Variants in PKN2 observed in about 807,000 individuals in gnomAD.
The protein encoded by PKN2 is protein kinase N2.
Under a neutral mutation model 119.1 loss-of-function variants are expected in PKN2, and 38 were observed. That is an observed-to-expected ratio of 0.32 (90% CI 0.25 to 0.42). The LOEUF is 0.42. PKN2 is among the 10% of genes least tolerant of loss of function. PKN2 has a pLI of 1.00. For synonymous variants in PKN2, 390 were observed against 384.9 expected, an observed-to-expected ratio of 1.01 and a Z score of -0.15; for missense variants, 850 against 1,165.1, an observed-to-expected ratio of 0.73 and a Z score of 3.94.
rs751904935 is a variant in PKN2, at chr1:88,804,947, G to C, written c.1501+26G>C. On this transcript the variant is annotated intron_variant, in intron 10 of 21. Coordinates refer to ENST00000370521, the MANE Select transcript of PKN2 (RefSeq NM_006256.4). ...GTAATTACTAACAATCAAATGCATA[G>C]CATTTTGATATTTTCTTAAACAATC... The C allele has an allele frequency of 3.8e-6, 4 of 1,049,590 alleles. No homozygotes were observed. The South Asian group carries it at 5.6e-5, about 15-fold the overall frequency. The allele number at this position is 1,049,590 out of a possible 1,614,324, so 65.0% of individuals were successfully genotyped here. A position where few individuals can be genotyped will look rare whatever the true frequency, so the allele number is the denominator to read the frequency against.
At chr1:88,705,016 T>C (rs1666919893) in intron 1 of PKN2, among the ~76,000 whole-genome samples, 1 of 152,150 alleles carries the variant, frequency 6.6e-6, no homozygotes, top group African/African-American at 2.4e-5. Context: ...TTTTTAAAAA[T>C]TGAGTTATTT....
At chr1:88,687,077 C>T (rs1666131871) in intron 1 of PKN2, among the ~76,000 whole-genome samples, 1 of 151,962 alleles carries the variant, frequency 6.6e-6, no homozygotes, top group Non-Finnish European at 1.5e-5. Flanking sequence ...GAAATATATC[C>T]AGCTTTTCAT....
intron 4 of PKN2, among the ~76,000 whole-genome samples, chr1:88,770,745 C>T (rs1404336306): frequency 6.6e-6 from 1 of 151,546 alleles, no homozygotes; most frequent in African/African-American, 2.4e-5. Context: ...GCCACTACGC[C>T]CGGCTAATTT....
chr1:88,798,591 C>A (rs751231350), intron 8 of PKN2, among the ~76,000 whole-genome samples: 9 of 152,090 alleles, frequency 5.9e-5, no homozygotes, highest in Middle Eastern at 3.4e-3. Flanking sequence ...GAGTTAGTGG[C>A]CTGAAAGTGC....
intron 1 of PKN2, among the ~76,000 whole-genome samples, chr1:88,716,092 G>C (rs1227292115): frequency 6.6e-6 from 1 of 152,314 alleles, no homozygotes; most frequent in Non-Finnish European, 1.5e-5. Flanking sequence ...TTTCCATGTA[G>C]TTGTGTGGTT....
At chr1:88,764,139 C>A (rs1669563157) in intron 3 of PKN2, among the ~76,000 whole-genome samples, 1 of 152,170 alleles carries the variant, frequency 6.6e-6, no homozygotes, top group African/African-American at 2.4e-5. Flanking sequence ...CTTCTGATCT[C>A]ATCTTCTAAA....
At chr1:88,793,618 A>C (rs1166367175) in intron 8 of PKN2, among the ~76,000 whole-genome samples, 3 of 152,152 alleles carry the variant, frequency 2.0e-5, no homozygotes, top group Non-Finnish European at 4.4e-5. Flanking sequence ...ATCTGCATAC[A>C]GTTGTCCCTT....
chr1:88,736,365 A>AT lies in PKN2; in HGVS notation c.49-4611dup, dbSNP rs1046428926. On this transcript the variant is annotated intron_variant, in intron 1 of 21. Transcript: ENST00000370521. Reference sequence around the variant, plus strand: ...TATGGTTCCTGAATGCTTTCTTAAAATTTTTTTTTTTTGAGACAGAGTCTC... The same window carrying AT: ...TATGGTTCCTGAATGCTTTCTTAAAATTTTTTTTTTTTTGAGACAGAGTCTC... 1.9e-3 allele frequency among the ~76,000 whole-genome samples: 285 copies of AT among 147,056 alleles called. 2 individuals carry two copies. The highest frequency in any genetic ancestry group is 0.018 in the Middle Eastern group (5 of 278).
chr1:88,824,282 TCATGC>T (rs1390718764), intron 17 of PKN2, 23 bp from the exon 18 acceptor site: 2 of 1,178,272 alleles, frequency 1.7e-6, no homozygotes, highest in Admixed American at 2.0e-5. Context: ...TTTTTTTTTT[TCATGC>T]TGTATCTTTT....
intron 1 of PKN2, among the ~76,000 whole-genome samples, chr1:88,699,651 C>T (rs2100661545): frequency 6.6e-6 from 1 of 152,272 alleles, no homozygotes; most frequent in South Asian, 2.1e-4. Context: ...CATTCAGCTC[C>T]CACTTAGAAG....
chr1:88,687,865 A>G (rs995995535), intron 1 of PKN2, among the ~76,000 whole-genome samples: 2 of 152,264 alleles, frequency 1.3e-5, no homozygotes, highest in South Asian at 4.1e-4. Flanking sequence ...GAAGATAATT[A>G]TAAGAGACTA....
intron 12 of PKN2, 130 bp from the exon 13 acceptor site, chr1:88,807,183 G>GT: frequency 5.6e-6 from 4 of 719,182 alleles, no homozygotes; most frequent in Non-Finnish European, 8.8e-6. Flanking sequence ...TAAAGAATGA[G>GT]TATCTGAATT....
intron 1 of PKN2, among the ~76,000 whole-genome samples, chr1:88,723,115 CTT>C (rs569844881): frequency 6.8e-6 from 1 of 147,506 alleles, no homozygotes; most frequent in African/African-American, 2.5e-5. Context: ...AGCCAGGTAT[CTT>C]TTTTTTTTTC....
At chr1:88,823,345 C>T (rs1672369921) in intron 17 of PKN2, among the ~76,000 whole-genome samples, 1 of 152,142 alleles carries the variant, frequency 6.6e-6, no homozygotes, top group African/African-American at 2.4e-5. Context: ...CCCTCTGATG[C>T]CTTATTAATA....
chr1:88,689,277 A>G (rs887639700), intron 1 of PKN2, among the ~76,000 whole-genome samples: 2 of 152,220 alleles, frequency 1.3e-5, no homozygotes, highest in Non-Finnish European at 2.9e-5. Flanking sequence ...TTAGAGACTG[A>G]CAGACTTTTT....
intron 3 of PKN2, among the ~76,000 whole-genome samples, chr1:88,768,067 T>C (rs956044397): frequency 1.3e-5 from 2 of 152,226 alleles, no homozygotes; most frequent in African/African-American, 4.8e-5. Context: ...TCCTTTCTTA[T>C]GAATAAGTGC....
intron 10 of PKN2, 72 bp downstream of exon 10, chr1:88,804,993 A>C (rs901027281): frequency 5.5e-6 from 4 of 721,260 alleles, no homozygotes; most frequent in Non-Finnish European, 9.5e-6. Flanking sequence ...TTAAAAAGTA[A>C]TAGCCATCTG....
At chr1:88,817,358 G>A (rs565052629) in intron 16 of PKN2, among the ~76,000 whole-genome samples, 2 of 151,376 alleles carry the variant, frequency 1.3e-5, no homozygotes, top group South Asian at 2.1e-4. Context: ...GGCAGTGAGC[G>A]GAGATCACGC....
chr1:88,725,733 A>G (rs1557568410), intron 1 of PKN2, among the ~76,000 whole-genome samples: 2 of 152,152 alleles, frequency 1.3e-5, no homozygotes, highest in South Asian at 4.1e-4. Flanking sequence ...TGATAAGTCC[A>G]ATTGATCTTT....
Sources: gnomAD v4.1 joint callset for allele counts (sites outside exome capture counted in the v4.1 genomes callset) on GRCh38, gnomAD v4.1.1 for gene constraint, MANE v1.5 for transcripts, NCBI Gene and HGNC (gene_info 2026-07-23, HGNC 2026-07-21) for gene names.